The following ITPK1 variants were observed in gnomAD, a reference collection of about 807,000 sequenced individuals.
ITPK1 encodes the protein inositol 1,3,4-trisphosphate 5/6-kinase.
ITPK1 carries 21 observed loss-of-function variants against 45.3 expected under a neutral mutation model. The observed-to-expected ratio is 0.46, with a 90% confidence interval of 0.33 to 0.67. The LOEUF (loss-of-function observed/expected upper bound fraction) is 0.67. Ranked by LOEUF, ITPK1 falls within the 30% of genes least tolerant of loss-of-function variation. ITPK1 has a pLI of 0.02. For synonymous variants in ITPK1, 258 were observed against 253.6 expected (o/e 1.02, Z -0.16); for missense variants, 474 against 573.5 (o/e 0.83, Z 1.77).
chr14:93,028,698 C>A (rs1224418459), intron 3 of ITPK1, among the ~76,000 whole-genome samples: 1 of 152,234 alleles, frequency 6.6e-6, no homozygotes, highest in East Asian at 1.9e-4. Context: ...GATGTCAGCT[C>A]TCAGACCCTC....
chr14:93,108,126 C>T (rs550907333), intron 2 of ITPK1, among the ~76,000 whole-genome samples: 8 of 152,210 alleles, frequency 5.3e-5, no homozygotes, highest in East Asian at 3.9e-4. Flanking sequence ...ACACCCGGGC[C>T]GGCTCCCCAA....
At chr14:93,072,932 A>T (rs1480354422) in intron 3 of ITPK1, among the ~76,000 whole-genome samples, 1 of 152,174 alleles carries the variant, frequency 6.6e-6, no homozygotes, top group Non-Finnish European at 1.5e-5. Context: ...GTACTCTTTG[A>T]ATTTTGCTGC....
chr14:93,048,424 C>T (rs1214313053), intron 3 of ITPK1, among the ~76,000 whole-genome samples: 1 of 152,166 alleles, frequency 6.6e-6, no homozygotes, highest in South Asian at 2.1e-4. Context: ...AAGGACGGAA[C>T]GTTAGGAGGG....
chr14:93,114,852 C>G (rs1892874819), intron 2 of ITPK1, among the ~76,000 whole-genome samples: 3 of 152,174 alleles, frequency 2.0e-5, no homozygotes, highest in Admixed American at 2.0e-4. Flanking sequence ...ACGCCCCGGT[C>G]CGTGCCACCT....
Position 92,938,272 on chromosome 14 carries a change from A to G in ITPK1, c.*3289T>C. The G allele has an allele frequency of 1.7e-6, 1 of 602,442 alleles. No homozygotes were observed. Among genetic ancestry groups the G allele is most frequent in the Non-Finnish European group, 3.0e-6 (1 of 338,328 alleles). The allele number at this position is 602,442 out of a possible 1,614,324, so 37.3% of individuals were successfully genotyped here. On this transcript the variant is annotated 3_prime_UTR_variant, in exon 11 of 11. Coordinates refer to ENST00000267615, the MANE Select transcript of ITPK1 (RefSeq NM_014216.6). ...CATGCCCGGCCAGAGTTTCTAGGGA[A>G]TAGAAGAGAGGGCAGATACAGACCC...
intron 2 of ITPK1, among the ~76,000 whole-genome samples, chr14:93,090,838 G>A (rs963470568): frequency 1.3e-5 from 2 of 152,120 alleles, no homozygotes; most frequent in African/African-American, 4.8e-5. Flanking sequence ...AGCCCTGGCT[G>A]CTTCAATGTC....
intron 3 of ITPK1, among the ~76,000 whole-genome samples, chr14:93,049,421 A>T (rs1889913987): frequency 2.0e-5 from 3 of 152,194 alleles, no homozygotes; most frequent in Admixed American, 2.0e-4. Context: ...AGGTCGGACC[A>T]GCAAGTGCAG....
In ITPK1 at chr14:93,112,402, G is replaced by A. The variant is rs182469048; in HGVS notation, c.95+2667C>T. ...CAACCCACCCCGGGCCGGACCATTC[G>A]GGTCATTCTTTGCCCAAACATTAAG... On this transcript the variant is annotated intron_variant, in intron 2 of 10. Coordinates refer to ENST00000267615, the MANE Select transcript of ITPK1 (RefSeq NM_014216.6). Among the ~76,000 whole-genome samples the A allele has an allele frequency of 1.4e-3, 205 of 151,648 alleles. 2 individuals carry two copies. Among genetic ancestry groups the A allele is most frequent in the African/African-American group, 4.7e-3 (196 of 41,320 alleles).
At chr14:92,943,911 AGCTGAGAGGTGGAAAGGCTGGG>A (rs1488796896) in intron 10 of ITPK1, among the ~76,000 whole-genome samples, 1 of 152,202 alleles carries the variant, frequency 6.6e-6, no homozygotes, top group Non-Finnish European at 1.5e-5. Context: ...CCATGGCTGG[AGCTGAGAGGTGGAAAGGCTGGG>A]GCTGACAGTC....
At chr14:93,098,626 G>A (rs1313945137) in intron 2 of ITPK1, among the ~76,000 whole-genome samples, 1 of 152,144 alleles carries the variant, frequency 6.6e-6, no homozygotes, top group Non-Finnish European at 1.5e-5. Flanking sequence ...GAGCCTTTGA[G>A]CTGAGGGCCC....
At chr14:92,945,022 C>T (rs1387196831) in intron 10 of ITPK1, among the ~76,000 whole-genome samples, 2 of 152,252 alleles carry the variant, frequency 1.3e-5, no homozygotes, top group Non-Finnish European at 2.9e-5. Flanking sequence ...CAGGGCTCCA[C>T]GGTGCCTCTC....
chr14:93,039,521 C>T (rs1318843451), intron 3 of ITPK1, among the ~76,000 whole-genome samples: 1 of 152,212 alleles, frequency 6.6e-6, no homozygotes, highest in Non-Finnish European at 1.5e-5. Context: ...CCACCCTGTG[C>T]CTGCTGGAGA....
intron 3 of ITPK1, chr14:93,068,004 CA>C (rs11292611): frequency 0.71 from 95,673 of 134,346 alleles, 32,633 homozygotes; most frequent in East Asian, 0.88. Context: ...AGAGGGGAGG[CA>C]AAAAAAAAAA....
chr14:93,033,583 C>G (rs573238936), intron 3 of ITPK1, among the ~76,000 whole-genome samples: 1 of 152,134 alleles, frequency 6.6e-6, no homozygotes, highest in Non-Finnish European at 1.5e-5. Context: ...ACAGTGGGAG[C>G]CTTGGGGCTG....
chr14:92,958,352 G>A lies in ITPK1; in HGVS notation c.519C>T (p.Phe173=). 2 of 1,614,122 alleles carry A rather than the reference G, an allele frequency of 1.2e-6. No individual in the cohort carries two copies. The highest frequency in any genetic ancestry group is 1.7e-6 in the Non-Finnish European group (2 of 1,180,018). ...GTNSHEMAIV[F]NQEGLNAIQP... ...GGATGGCGTTCAGGCCCTCCTGGTT[G>A]AACACGATAGCCATCTGGGAAGACA... Residue 173 remains phenylalanine, a synonymous_variant, in exon 8 of 11, where the codon TTC becomes TTT. Transcript: ENST00000267615. The surrounding 1 kb of genome is among the most constrained non-coding windows in gnomAD (Gnocchi z 4.4).
intron 4 of ITPK1, among the ~76,000 whole-genome samples, chr14:93,007,439 C>A (rs1288942841): frequency 6.6e-6 from 1 of 151,964 alleles, no homozygotes; most frequent in Non-Finnish European, 1.5e-5. Flanking sequence ...GGCTCCCCTG[C>A]CTTGTCCGTG....
intron 2 of ITPK1, among the ~76,000 whole-genome samples, chr14:93,088,110 T>A (rs564327818): frequency 6.6e-4 from 100 of 152,222 alleles, no homozygotes; most frequent in African/African-American, 2.3e-3. Context: ...CAGAGAGGAT[T>A]CCAGGGGCCT....
intron 8 of ITPK1, among the ~76,000 whole-genome samples, chr14:92,957,589 C>A (rs79427758): frequency 1.3e-5 from 2 of 152,128 alleles, no homozygotes; most frequent in African/African-American, 4.8e-5. Flanking sequence ...ATGCAGAGAA[C>A]GCCCTATGTG....
Position 93,016,862 on chromosome 14 carries a change from T to A in ITPK1, c.121-61A>T. On this transcript the variant is annotated intron_variant, in intron 3 of 10. Coordinates refer to ENST00000267615, the MANE Select transcript of ITPK1 (RefSeq NM_014216.6). This position sits in a 1 kb window ranked among gnomAD's most constrained non-coding sequence, Gnocchi z 5.0. Reference sequence around the variant, plus strand: ...TCAGCACCTGAGTCCACTGCCCCCATCCTCTTGTCCACCCTGGGGCATATC... The same window carrying A: ...TCAGCACCTGAGTCCACTGCCCCCAACCTCTTGTCCACCCTGGGGCATATC... The A allele has an allele frequency of 2.5e-6, 4 of 1,596,662 alleles. No individual in the cohort carries two copies. Among genetic ancestry groups the A allele is most frequent in the Non-Finnish European group, 3.4e-6 (4 of 1,170,890 alleles).
Sources: allele counts gnomAD v4.1 joint callset (sites outside exome capture counted in the v4.1 genomes callset), GRCh38; gene constraint gnomAD v4.1.1; non-coding constraint Gnocchi (gnomAD v3.1); transcripts MANE v1.5; gene names NCBI Gene and HGNC (gene_info 2026-07-23, HGNC 2026-07-21).